UNC5C: variants seen among roughly 807,000 people sequenced by gnomAD.
UNC5C encodes the protein netrin receptor UNC5C.
A neutral mutation model predicts 99.8 loss-of-function variants in UNC5C; 47 were observed. That is an observed-to-expected ratio of 0.47 (90% CI 0.37 to 0.60). The LOEUF is 0.60. Ranked by LOEUF, UNC5C falls within the 20% of genes least tolerant of loss-of-function variation. UNC5C has a pLI of 0.00. For synonymous variants in UNC5C, 487 were observed against 452.2 expected (o/e 1.08, Z -0.98); for missense variants, 1,062 against 1,165.9 (o/e 0.91, Z 1.30).
intron 1 of UNC5C, among the ~76,000 whole-genome samples, chr4:95,435,442 TA>T (rs1746750817): frequency 6.6e-6 from 1 of 152,096 alleles, no homozygotes; most frequent in African/African-American, 2.4e-5. Context: ...ACTCTTATTT[TA>T]AAAACATGAA....
intron 1 of UNC5C, among the ~76,000 whole-genome samples, chr4:95,375,133 T>C (rs1446526688): frequency 6.6e-6 from 1 of 152,050 alleles, no homozygotes; most frequent in Admixed American, 6.6e-5. Flanking sequence ...ACAATAAACA[T>C]TTGGATAAGA....
At chr4:95,184,321 C>T (rs918047920) in intron 13 of UNC5C, among the ~76,000 whole-genome samples, 2 of 152,164 alleles carry the variant, frequency 1.3e-5, no homozygotes, top group Non-Finnish European at 2.9e-5. Flanking sequence ...TGGCTTACAT[C>T]AGGAAATAGC....
At chr4:95,226,707 G>A (rs1479149566) in intron 7 of UNC5C, among the ~76,000 whole-genome samples, 1 of 152,132 alleles carries the variant, frequency 6.6e-6, no homozygotes, top group East Asian at 1.9e-4. Context: ...AAGATATGGT[G>A]GTATGTTTCC....
At chr4:95,325,694 CT>C (rs1331693202) in intron 2 of UNC5C, among the ~76,000 whole-genome samples, 2 of 152,132 alleles carry the variant, frequency 1.3e-5, no homozygotes, top group African/African-American at 4.8e-5. Flanking sequence ...TCATCAATTC[CT>C]TTTTTCCATT....
chr4:95,234,462 C>T (rs528863002), intron 7 of UNC5C, among the ~76,000 whole-genome samples: 12 of 152,026 alleles, frequency 7.9e-5, no homozygotes, highest in Middle Eastern at 3.4e-3. Flanking sequence ...GTGCCACGTT[C>T]GTGTGCTGCA....
intron 1 of UNC5C, among the ~76,000 whole-genome samples, chr4:95,373,913 T>C (rs1228868872): frequency 6.6e-6 from 1 of 152,194 alleles, no homozygotes; most frequent in African/African-American, 2.4e-5. Flanking sequence ...TTGATGACAA[T>C]CTCTAATGGA....
intron 7 of UNC5C, among the ~76,000 whole-genome samples, chr4:95,221,276 T>C (rs1302317738): frequency 6.6e-6 from 1 of 152,224 alleles, no homozygotes; most frequent in East Asian, 1.9e-4. Context: ...GTTGTTAAAT[T>C]GGTACTTCAG....
chr4:95,520,869 G>A (rs1356125261), intron 1 of UNC5C, among the ~76,000 whole-genome samples: 1 of 151,976 alleles, frequency 6.6e-6, no homozygotes, highest in Non-Finnish European at 1.5e-5. Flanking sequence ...AAAGTGCTGG[G>A]ATTACAAGCG....
intron 1 of UNC5C, among the ~76,000 whole-genome samples, chr4:95,420,161 G>T (rs1306625287): frequency 1.3e-5 from 2 of 152,146 alleles, no homozygotes; most frequent in Admixed American, 1.3e-4. Flanking sequence ...GATGGATCAG[G>T]TTAAACGTTT....
intron 1 of UNC5C, among the ~76,000 whole-genome samples, chr4:95,503,364 A>G (rs940115938): frequency 6.6e-6 from 1 of 152,144 alleles, no homozygotes; most frequent in African/African-American, 2.4e-5. Context: ...TAAATTGGCC[A>G]GTCTGTGGTA....
chr4:95,379,973 G>A (rs7655075), intron 1 of UNC5C, among the ~76,000 whole-genome samples: 110,885 of 152,108 alleles, frequency 0.73, 41,418 homozygotes, highest in East Asian at 0.95. Flanking sequence ...GACGTAAAAT[G>A]ATACCTATTA....
chr4:95,290,356 T>A (rs908753230), intron 3 of UNC5C, among the ~76,000 whole-genome samples: 86 of 144,724 alleles, frequency 5.9e-4, no homozygotes, highest in African/African-American at 1.8e-3. Flanking sequence ...TTTTTTTTTT[T>A]AACTTATCTT....
intron 1 of UNC5C, among the ~76,000 whole-genome samples, chr4:95,461,294 T>C (rs187497684): frequency 1.4e-5 from 2 of 143,498 alleles, no homozygotes; most frequent in East Asian, 4.7e-4. Flanking sequence ...ATACAGTCCT[T>C]TTCCAACATG....
At chr4:95,210,766 CAG>C (rs1738048281) in intron 10 of UNC5C, among the ~76,000 whole-genome samples, 1 of 152,192 alleles carries the variant, frequency 6.6e-6, no homozygotes, top group Admixed American at 6.5e-5. Context: ...ACAAAGCCCA[CAG>C]AGAGAAATTT....
chr4:95,262,744 A>G (rs961747179), intron 4 of UNC5C, among the ~76,000 whole-genome samples: 4 of 152,212 alleles, frequency 2.6e-5, no homozygotes, highest in African/African-American at 9.6e-5. Context: ...TTATTCTATT[A>G]GAGTAAAAAC....
At chr4:95,340,867 T>C (rs1219471773) in intron 1 of UNC5C, among the ~76,000 whole-genome samples, 1 of 152,160 alleles carries the variant, frequency 6.6e-6, no homozygotes, top group Non-Finnish European at 1.5e-5. Context: ...CTCTGCCATG[T>C]AGTCTACAGT....
intron 5 of UNC5C, among the ~76,000 whole-genome samples, chr4:95,247,570 C>T (rs1739548209): frequency 6.6e-6 from 1 of 152,110 alleles, no homozygotes; most frequent in South Asian, 2.1e-4. Context: ...GTAGGTTTAT[C>T]CCTTCATTTA....
At chr4:95,258,124 A>T (rs1221216658) in intron 4 of UNC5C, among the ~76,000 whole-genome samples, 1 of 152,226 alleles carries the variant, frequency 6.6e-6, no homozygotes, top group Non-Finnish European at 1.5e-5. Flanking sequence ...GAGTCTCCTT[A>T]TATACACTGT....
intron 4 of UNC5C, among the ~76,000 whole-genome samples, chr4:95,252,065 A>C (rs78616350): frequency 0.023 from 3,463 of 152,278 alleles, 53 homozygotes; most frequent in Non-Finnish European, 0.033. Flanking sequence ...TTTGTTTCCA[A>C]ATACAGACTC....
Sources: gnomAD v4.1 joint callset for allele counts (sites outside exome capture counted in the v4.1 genomes callset) on GRCh38, gnomAD v4.1.1 for gene constraint, MANE v1.5 for transcripts, NCBI Gene and HGNC (gene_info 2026-07-23, HGNC 2026-07-21) for gene names.